The following COPB1 variants were observed in gnomAD, a reference collection of about 807,000 sequenced individuals.
The protein encoded by COPB1 is coatomer subunit beta.
Under a neutral mutation model 108.7 loss-of-function variants are expected in COPB1, and 21 were observed. The ratio of observed to expected loss-of-function variants is 0.19; its 90% CI spans 0.14 to 0.28. The LOEUF (loss-of-function observed/expected upper bound fraction) is 0.28, where lower values mean the gene tolerates loss of function less well. COPB1 is among the 10% of genes least tolerant of loss of function. The pLI is 1.00. For synonymous variants in COPB1, 378 were observed against 386.8 expected, an observed-to-expected ratio of 0.98 and a Z score of 0.27; for missense variants, 919 against 1,141.3, an observed-to-expected ratio of 0.81 and a Z score of 2.81.
chr11:14,486,244 A>G, intron 7 of COPB1, 123 bp downstream of exon 7: 3 of 1,159,420 alleles, frequency 2.6e-6, no homozygotes, highest in East Asian at 2.3e-5. Context: ...AAATAATTTT[A>G]TAAGTTTGTA....
chr11:14,494,144 G>T, intron 3 of COPB1, 66 bp downstream of exon 3: 1 of 1,089,746 alleles, frequency 9.2e-7, no homozygotes, highest in Non-Finnish European at 1.3e-6. Flanking sequence ...TTAAAACACA[G>T]CCCATTCTAC....
Position 14,469,521 on chromosome 11 carries a change from G to T in COPB1, c.1780C>A (p.His594Asn), listed in dbSNP as rs753978046. The change falls in exon 15 of 22, where the codon CAT becomes AAT. Residue 594 changes from histidine to asparagine, a missense_variant. This residue lies in a region of COPB1 where 705 missense variants were observed against 817.8 expected (regional missense o/e 0.86). Coordinates refer to ENST00000439561, the MANE Select transcript of COPB1 (RefSeq NM_001144061.2). ...TTAGGAAGAGAGGATTTTCCCAAATGCAGGATAGTAGCCATGAGCAACATA... is the reference window on the plus strand; with the variant it reads ...TTAGGAAGAGAGGATTTTCCCAAATTCAGGATAGTAGCCATGAGCAACATA... ...EAMLLMATIL[H>N]LGKSSLPKKP... The T allele has an allele frequency of 1.9e-6, 3 of 1,614,158 alleles. No individual in the cohort carries two copies. Among genetic ancestry groups the T allele is most frequent in the Non-Finnish European group, 2.5e-6 (3 of 1,180,018 alleles).
chr11:14,483,174 T>C (rs748213156), intron 7 of COPB1, 23 bp from the exon 8 acceptor site: 3 of 1,502,944 alleles, frequency 2.0e-6, no homozygotes, highest in Non-Finnish European at 2.7e-6. Flanking sequence ...AGAAATACAT[T>C]TTAAGAAGTT....
At chr11:14,474,170 G>C in intron 14 of COPB1, 1 of 180,784 alleles carries the variant, frequency 5.5e-6, no homozygotes, top group East Asian at 1.4e-4. Context: ...GCAGATGCTG[G>C]AGAGAAGGAC....
At chr11:14,461,487 A>G in intron 18 of COPB1, 156 bp from the exon 19 acceptor site, 3 of 709,244 alleles carry the variant, frequency 4.2e-6, no homozygotes, top group Non-Finnish European at 6.6e-6. Context: ...TGCTTTATAA[A>G]TATTACTGGT....
intron 20 of COPB1, chr11:14,459,972 TA>T (rs950682435): frequency 2.8e-3 from 960 of 341,028 alleles, no homozygotes; most frequent in Middle Eastern, 0.014. Flanking sequence ...GAAAAGAAAA[TA>T]AAAAAAAAAT....
chr11:14,462,667 T>C (rs1239816043), intron 18 of COPB1, among the ~76,000 whole-genome samples: 1 of 152,172 alleles, frequency 6.6e-6, no homozygotes, highest in Non-Finnish European at 1.5e-5. Context: ...CTCACATCCT[T>C]CCCTCTCATA....
At chr11:14,479,223 C>T (rs1238659662) in intron 11 of COPB1, among the ~76,000 whole-genome samples, 2 of 152,118 alleles carry the variant, frequency 1.3e-5, no homozygotes, top group African/African-American at 4.8e-5. Context: ...ATTTAGGTTG[C>T]ATTTTCAATC....
intron 7 of COPB1, among the ~76,000 whole-genome samples, chr11:14,485,510 C>A (rs1850749572): frequency 6.6e-6 from 1 of 152,146 alleles, no homozygotes; most frequent in Non-Finnish European, 1.5e-5. Context: ...CTACTAATAA[C>A]CTACTGTTGG....
intron 14 of COPB1, among the ~76,000 whole-genome samples, chr11:14,472,087 A>C (rs1394824515): frequency 6.6e-6 from 1 of 152,212 alleles, no homozygotes; most frequent in Non-Finnish European, 1.5e-5. Context: ...GCCCAATTTG[A>C]ATGTCAGAAA....
At chr11:14,488,685 A>C in intron 5 of COPB1, 101 bp from the exon 6 acceptor site, 4 of 538,696 alleles carry the variant, frequency 7.4e-6, no homozygotes, top group Non-Finnish European at 9.1e-6. Flanking sequence ...TATAAAACAA[A>C]TGAGGAGATC....
intron 5 of COPB1, among the ~76,000 whole-genome samples, chr11:14,489,977 GC>G (rs1850859325): frequency 6.6e-6 from 1 of 152,140 alleles, no homozygotes; most frequent in Non-Finnish European, 1.5e-5. Flanking sequence ...GGACTGGAAG[GC>G]CTCCATATTT....
rs1565017838 is a variant in COPB1, at chr11:14,477,395, A to AAAAAAAAAAAAAAAAAAAAAAAC, written c.1359-381_1359-380insGTTTTTTTTTTTTTTTTTTTTTT. Among the ~76,000 whole-genome samples, 31 of 141,792 alleles carry AAAAAAAAAAAAAAAAAAAAAAAC rather than the reference A, an allele frequency of 2.2e-4. 1 individual carries two copies. The highest frequency in any genetic ancestry group is 8.1e-4 in the African/African-American group (31 of 38,238). 93.0% of individuals were successfully genotyped at this position (141,792 alleles called of 152,430 possible). A position where few individuals can be genotyped will look rare whatever the true frequency, so the allele number is the denominator to read the frequency against. On this transcript the variant is annotated intron_variant, in intron 11 of 21. Coordinates refer to ENST00000439561, the MANE Select transcript of COPB1 (RefSeq NM_001144061.2). ...ACAGAGCGAGACTCCGTCTCAAAAAAAAAAAAAAAACAAGGGCCAGGCACG... is the reference window on the plus strand; with the variant it reads ...ACAGAGCGAGACTCCGTCTCAAAAAAAAAAAAAAAAAAAAAAAAAAAACAAAAAAAAAACAAGGGCCAGGCACG...
intron 2 of COPB1, among the ~76,000 whole-genome samples, chr11:14,496,814 A>G (rs1851031345): frequency 6.6e-6 from 1 of 152,224 alleles, no homozygotes; most frequent in Non-Finnish European, 1.5e-5. Flanking sequence ...ACATAGCTAC[A>G]GTAACCAAAA....
intron 14 of COPB1, among the ~76,000 whole-genome samples, chr11:14,470,892 GAAGA>G (rs1044432079): frequency 4.8e-4 from 61 of 128,182 alleles, no homozygotes; most frequent in Admixed American, 1.3e-3. Flanking sequence ...AAAACCAGTG[GAAGA>G]AATACACACA....
intron 7 of COPB1, among the ~76,000 whole-genome samples, chr11:14,483,825 G>T (rs886097257): frequency 5.9e-5 from 9 of 152,154 alleles, no homozygotes; most frequent in Admixed American, 3.9e-4. Flanking sequence ...AGCAATAATT[G>T]TAAGAAAATC....
rs542580626 is a variant in COPB1 at position 14,457,955 on chromosome 11, A to C, written c.2803-72T>G. 2.3e-5 allele frequency: 21 copies of C among 896,782 alleles called. No homozygotes were observed. The East Asian group carries it at 2.8e-4, about 12-fold the overall frequency. 55.6% of individuals were successfully genotyped at this position (896,782 alleles called of 1,614,324 possible). On this transcript the variant is annotated intron_variant, in intron 21 of 21. Coordinates refer to ENST00000439561, the MANE Select transcript of COPB1 (RefSeq NM_001144061.2). ...ATCAGTAGGTTATTCCATATTATTAAGCCCCAATTCAATTCAATGACACCA... is the reference window on the plus strand; with the variant it reads ...ATCAGTAGGTTATTCCATATTATTACGCCCCAATTCAATTCAATGACACCA...
chr11:14,491,424 C>CT (rs1045262964), intron 4 of COPB1, among the ~76,000 whole-genome samples: 3 of 152,148 alleles, frequency 2.0e-5, no homozygotes, highest in African/African-American at 7.2e-5. Context: ...AATCCCAGCA[C>CT]TTTGAGAGGC....
At chr11:14,481,349 C>T (rs1385607052) in intron 8 of COPB1, among the ~76,000 whole-genome samples, 2 of 152,202 alleles carry the variant, frequency 1.3e-5, no homozygotes, top group African/African-American at 4.8e-5. Flanking sequence ...CTCCAACTTA[C>T]AGTTTATAGA....
Sources: allele counts gnomAD v4.1 joint callset (sites outside exome capture counted in the v4.1 genomes callset), GRCh38; gene constraint gnomAD v4.1.1; regional missense constraint gnomAD v4.1.1; transcripts MANE v1.5; gene names NCBI Gene and HGNC (gene_info 2026-07-23, HGNC 2026-07-21).